The following CADM2 variants were observed in gnomAD, a reference collection of about 807,000 sequenced individuals.
CADM2 encodes cell adhesion molecule 2.
Under a neutral mutation model 49.8 loss-of-function variants are expected in CADM2, and 12 were observed. The ratio of observed to expected loss-of-function variants is 0.24; its 90% CI spans 0.15 to 0.39. The LOEUF (loss-of-function observed/expected upper bound fraction) is 0.39. Among genes scored for constraint, CADM2 ranks in the 10% least tolerant of loss-of-function variants. CADM2 has a pLI of 1.00. For missense variants in CADM2, 378 were observed against 492.3 expected (o/e 0.77, Z 2.20); for synonymous variants, 214 against 175.4 (o/e 1.22, Z -1.74).
At chr3:85,113,057 T>C (rs2038518606) in intron 1 of CADM2, among the ~76,000 whole-genome samples, 1 of 152,052 alleles carries the variant, frequency 6.6e-6, no homozygotes. Flanking sequence ...AATTTTTGTT[T>C]CAGTCAGCTT....
intron 8 of CADM2, among the ~76,000 whole-genome samples, chr3:86,062,869 T>C (rs1403110020): frequency 6.6e-6 from 1 of 151,984 alleles, no homozygotes; most frequent in African/African-American, 2.4e-5. Context: ...TTGACTCTCT[T>C]ATCTTCAACT....
At chr3:85,786,847 G>T (rs2071019816) in intron 2 of CADM2, among the ~76,000 whole-genome samples, 1 of 151,904 alleles carries the variant, frequency 6.6e-6, no homozygotes, top group East Asian at 1.9e-4. Context: ...TTTTGGAAAA[G>T]AAAATTATTT....
At chr3:85,823,463 C>G (rs968864481) in intron 3 of CADM2, among the ~76,000 whole-genome samples, 1 of 152,034 alleles carries the variant, frequency 6.6e-6, no homozygotes, top group African/African-American at 2.4e-5. Context: ...CAAAAACAAA[C>G]CACAAACCAC....
At chr3:85,634,672 T>G (rs889411384) in intron 1 of CADM2, among the ~76,000 whole-genome samples, 7 of 152,082 alleles carry the variant, frequency 4.6e-5, no homozygotes, top group African/African-American at 1.7e-4. Context: ...TTGTGAATAA[T>G]GCAATTTTAC....
intron 2 of CADM2, among the ~76,000 whole-genome samples, chr3:85,785,977 A>C (rs1260478804): frequency 2.6e-5 from 4 of 152,070 alleles, no homozygotes; most frequent in Non-Finnish European, 5.9e-5. Flanking sequence ...AAGATGATTC[A>C]ACCAAGAGGA....
chr3:85,010,849 G>GCCTTT (rs1559615401), intron 1 of CADM2, among the ~76,000 whole-genome samples: 2 of 40,638 alleles, frequency 4.9e-5, no homozygotes, highest in African/African-American at 2.5e-4. Context: ...CTCTGTTTAT[G>GCCTTT]TCTTTTTTTT....
At chr3:85,157,914 T>C (rs1469406583) in intron 1 of CADM2, among the ~76,000 whole-genome samples, 1 of 151,970 alleles carries the variant, frequency 6.6e-6, no homozygotes, top group Non-Finnish European at 1.5e-5. Context: ...ACCTACAAAA[T>C]GGGAGAAAAT....
intron 3 of CADM2, among the ~76,000 whole-genome samples, chr3:85,875,043 C>A (rs982275263): frequency 6.6e-6 from 1 of 152,138 alleles, no homozygotes; most frequent in Non-Finnish European, 1.5e-5. Flanking sequence ...TATTTTAAAA[C>A]TCCATTTACT....
intron 1 of CADM2, among the ~76,000 whole-genome samples, chr3:85,050,859 C>G (rs965316488): frequency 2.0e-5 from 3 of 152,148 alleles, no homozygotes; most frequent in African/African-American, 7.2e-5. Flanking sequence ...TCTGAAAACA[C>G]AGGACAAGAA....
At chr3:86,021,205 G>T (rs1276023360) in intron 8 of CADM2, among the ~76,000 whole-genome samples, 1 of 152,008 alleles carries the variant, frequency 6.6e-6, no homozygotes, top group Non-Finnish European at 1.5e-5. Context: ...TTGCCATGTT[G>T]GCCAGGCTGG....
At chr3:85,416,450 T>C (rs577692878) in intron 1 of CADM2, among the ~76,000 whole-genome samples, 1 of 152,318 alleles carries the variant, frequency 6.6e-6, no homozygotes, top group African/African-American at 2.4e-5. Context: ...TCAAGGGATA[T>C]TAGAAAACGT....
chr3:85,414,112 C>T (rs1041918166), intron 1 of CADM2, among the ~76,000 whole-genome samples: 3 of 152,164 alleles, frequency 2.0e-5, no homozygotes, highest in Non-Finnish European at 2.9e-5. Flanking sequence ...ATCCACCCGC[C>T]TCAGTCTCCC....
intron 1 of CADM2, among the ~76,000 whole-genome samples, chr3:85,287,362 CA>C (rs1215563115): frequency 6.6e-6 from 1 of 151,414 alleles, no homozygotes; most frequent in African/African-American, 2.4e-5. Context: ...GGTTTTTAAT[CA>C]TAAAAGAAAT....
intron 2 of CADM2, among the ~76,000 whole-genome samples, chr3:85,743,621 AG>A (rs1478238857): frequency 6.6e-6 from 1 of 152,174 alleles, no homozygotes; most frequent in Non-Finnish European, 1.5e-5. Context: ...TATTGATCCC[AG>A]TAAAAAAAAG....
At chr3:85,808,032 T>A (rs1429153692) in intron 3 of CADM2, among the ~76,000 whole-genome samples, 1 of 152,182 alleles carries the variant, frequency 6.6e-6, no homozygotes, top group African/African-American at 2.4e-5. Flanking sequence ...CCATTACTGG[T>A]GGTTGGACCA....
chr3:85,697,160 A>G (rs2066593250), intron 1 of CADM2, among the ~76,000 whole-genome samples: 1 of 151,246 alleles, frequency 6.6e-6, no homozygotes, highest in Admixed American at 6.6e-5. Flanking sequence ...CACATAGAAC[A>G]GGTAGATTAT....
intron 2 of CADM2, among the ~76,000 whole-genome samples, chr3:85,799,034 T>C (rs141601866): frequency 6.4e-4 from 97 of 152,304 alleles, no homozygotes; most frequent in African/African-American, 2.2e-3. Context: ...TTTGTAGCAA[T>C]TGTGAATGGG....
At chr3:85,755,885 G>A (rs896575933) in intron 2 of CADM2, among the ~76,000 whole-genome samples, 1 of 152,062 alleles carries the variant, frequency 6.6e-6, no homozygotes, top group Non-Finnish European at 1.5e-5. Context: ...TATCAGATAT[G>A]ACTGATTAAA....
At chr3:85,063,148 T>C (rs966251753) in intron 1 of CADM2, among the ~76,000 whole-genome samples, 61 of 152,070 alleles carry the variant, frequency 4.0e-4, no homozygotes, top group African/African-American at 1.4e-3. Flanking sequence ...AAAAATAAAC[T>C]TTAAAATATT....
Sources: gnomAD v4.1 joint callset for allele counts (sites outside exome capture counted in the v4.1 genomes callset) on GRCh38, gnomAD v4.1.1 for gene constraint, MANE v1.5 for transcripts, NCBI Gene and HGNC (gene_info 2026-07-23, HGNC 2026-07-21) for gene names.